Variants in CAPS2 observed in about 807,000 individuals in gnomAD.
CAPS2 encodes calcyphosine 2.
Under a neutral mutation model 86.5 loss-of-function variants are expected in CAPS2, and 98 were observed. The ratio of observed to expected loss-of-function variants is 1.13; its 90% CI spans 0.96 to 1.34. The LOEUF (loss-of-function observed/expected upper bound fraction) is 1.34, where lower values mean the gene tolerates loss of function less well. CAPS2 is among the 40% of genes most tolerant of loss of function. The pLI, the probability that CAPS2 is intolerant of heterozygous loss-of-function variation, is 0.00. For missense variants in CAPS2, 729 were observed against 686.8 expected (o/e 1.06, Z -0.69); for synonymous variants, 210 against 225.1 (o/e 0.93, Z 0.60).
chr12:75,288,327 C>G (rs186300131), intron 14 of CAPS2, among the ~76,000 whole-genome samples: 23 of 151,112 alleles, frequency 1.5e-4, no homozygotes, highest in Admixed American at 1.3e-3. Context: ...CAGAATTGTA[C>G]AGCTGATATG....
At chr12:75,364,001 G>A (rs1029609668) in intron 1 of CAPS2, among the ~76,000 whole-genome samples, 3 of 152,142 alleles carry the variant, frequency 2.0e-5, no homozygotes, top group Admixed American at 1.3e-4. Flanking sequence ...AAAGGCTTAC[G>A]ATCAATAGAA....
chr12:75,329,539 A>C (rs2041105162), upstream of CAPS2, among the ~76,000 whole-genome samples: 1 of 151,878 alleles, frequency 6.6e-6, no homozygotes, highest in African/African-American at 2.4e-5. Flanking sequence ...TTCTCTCGGT[A>C]GTAATATTAC....
chr12:75,380,135 G>A (rs1176806470), intron 1 of CAPS2, among the ~76,000 whole-genome samples: 1 of 152,108 alleles, frequency 6.6e-6, no homozygotes, highest in Non-Finnish European at 1.5e-5. Context: ...TTAAAGAGAT[G>A]TTTATGCCAG....
chr12:75,337,351 TA>T (rs35917340), intron 1 of CAPS2, among the ~76,000 whole-genome samples: 124 of 151,440 alleles, frequency 8.2e-4, no homozygotes, highest in African/African-American at 2.9e-3. Flanking sequence ...AAACCAGTAG[TA>T]AAAAAAAGAT....
intron 1 of CAPS2, among the ~76,000 whole-genome samples, chr12:75,344,455 G>GT (rs1361386937): frequency 6.6e-6 from 1 of 151,816 alleles, no homozygotes; most frequent in African/African-American, 2.4e-5. Context: ...CTTAAAGTTT[G>GT]TATCTCTACA....
At chr12:75,366,627 C>T (rs4296072) in intron 1 of CAPS2, among the ~76,000 whole-genome samples, 136,346 of 151,872 alleles carry the variant, frequency 0.9, 61,354 homozygotes, top group East Asian at 1. Context: ...CTTTCCTCTT[C>T]TTCAGATTGT....
Position 75,283,167 on chromosome 12 carries a change from T to C in CAPS2, c.1516-820A>G, listed in dbSNP as rs756792035. On this transcript the variant is annotated intron_variant, in intron 15 of 16. Transcript: ENST00000393284. The stretch of plus-strand genomic sequence containing the variant: ...ATTTAATACACTTTTTAAAATGTAG[T>C]TGTGCTATTGTTCCTCTAATTCAGT... Among the ~76,000 whole-genome samples, 65 of 152,226 alleles carry C rather than the reference T, an allele frequency of 4.3e-4. 1 individual carries two copies. Among genetic ancestry groups the C allele is most frequent in the Non-Finnish European group, 8.4e-4 (57 of 68,040 alleles).
In CAPS2 at chr12:75,387,179, C is replaced by T. The variant is rs73191013; in HGVS notation, c.-395+3659G>A. ...AAGATATATGCAATAAAAACTATTA[C>T]GCACAATATGCAAAGACTCTTTAAA... On this transcript the variant is annotated intron_variant, in intron 1 of 5. Transcript: ENST00000551829. Among the ~76,000 whole-genome samples, 984 of 152,234 alleles carry T rather than the reference C, an allele frequency of 6.5e-3. 6 individuals are homozygous for T. The highest frequency in any genetic ancestry group is 0.012 in the South Asian group (57 of 4,812).
chr12:75,283,297 C>G (rs1186985235), intron 15 of CAPS2, among the ~76,000 whole-genome samples: 4 of 152,074 alleles, frequency 2.6e-5, no homozygotes, highest in African/African-American at 9.7e-5. Flanking sequence ...GTAGTGGGGT[C>G]AAAACTAGAA....
At chr12:75,298,997 C>T in intron 9 of CAPS2, 31 bp from the exon 10 acceptor site, 1 of 1,370,348 alleles carries the variant, frequency 7.3e-7, no homozygotes, top group Non-Finnish European at 1.0e-6. Context: ...CAAACATCTT[C>T]AAATAGAATA....
At chr12:75,276,638 CT>C, downstream of CAPS2, 1 of 853,738 alleles carries the variant, frequency 1.2e-6, no homozygotes, top group Non-Finnish European at 1.4e-6. Context: ...TATACCTTGT[CT>C]TTTTAATAAA....
exon 12 of CAPS2, chr12:75,293,280 T>C: frequency 5.0e-6 from 8 of 1,608,332 alleles, no homozygotes; most frequent in Non-Finnish European, 6.8e-6. Context: ...TGATCAATAT[T>C]TGTGATTCGG....
At chr12:75,348,727 T>C (rs938648463) in intron 1 of CAPS2, among the ~76,000 whole-genome samples, 4 of 152,132 alleles carry the variant, frequency 2.6e-5, no homozygotes, top group African/African-American at 9.7e-5. Context: ...CATACGAGAA[T>C]AGTGTTATGT....
chr12:75,303,988 C>T (rs557786974), intron 8 of CAPS2, among the ~76,000 whole-genome samples: 2 of 152,238 alleles, frequency 1.3e-5, no homozygotes, highest in Admixed American at 1.3e-4. Flanking sequence ...CCCACTAAAA[C>T]CTCTAGAAGG....
At chr12:75,373,156 T>C (rs1433307567) in intron 1 of CAPS2, among the ~76,000 whole-genome samples, 1 of 152,192 alleles carries the variant, frequency 6.6e-6, no homozygotes, top group Admixed American at 6.5e-5. Context: ...CAGGTCAGCC[T>C]TGGTGAGTGG....
Position 75,321,507 on chromosome 12 carries a change from T to A in CAPS2, c.361A>T (p.Lys121Ter). The change falls in exon 5 of 17, where the codon AAA (lysine) becomes TAA (stop). Residue 121 changes from lysine to a stop codon, truncating the protein, a stop_gained. Coordinates refer to ENST00000393284, the Ensembl canonical transcript of CAPS2. LOFTEE classifies it high-confidence loss of function. ...TTATAGCCCTCTTTAATTTCAGTTTTACATTGCTGATATTTTAGTTTACAT... is the reference window on the plus strand; with the variant it reads ...TTATAGCCCTCTTTAATTTCAGTTTAACATTGCTGATATTTTAGTTTACAT... 1 of 1,548,690 alleles carries A rather than the reference T, an allele frequency of 6.5e-7. No homozygotes were observed. The highest frequency in any genetic ancestry group is 8.7e-7 in the Non-Finnish European group (1 of 1,144,414).
At chr12:75,341,008 G>A (rs1565954684) in intron 1 of CAPS2, among the ~76,000 whole-genome samples, 1 of 151,362 alleles carries the variant, frequency 6.6e-6, no homozygotes, top group African/African-American at 2.4e-5. Context: ...GCCACTCTAG[G>A]AAATAGTTTG....
intron 7 of CAPS2, chr12:75,305,521 C>G: frequency 1.6e-6 from 1 of 617,132 alleles, no homozygotes. Context: ...GCATAGCAAC[C>G]CTAGGGTTCC....
chr12:75,302,993 A>G (rs2038000645), intron 8 of CAPS2, among the ~76,000 whole-genome samples: 1 of 152,220 alleles, frequency 6.6e-6, no homozygotes, highest in Non-Finnish European at 1.5e-5. Flanking sequence ...ACATATGGAT[A>G]CTAAGTGGTC....
Sources: allele counts gnomAD v4.1 joint callset (sites outside exome capture counted in the v4.1 genomes callset), GRCh38; gene constraint gnomAD v4.1.1; transcripts MANE v1.5; gene names NCBI Gene and HGNC (gene_info 2026-07-23, HGNC 2026-07-21).